MGST1: variants seen among roughly 807,000 people sequenced by gnomAD.
The protein encoded by MGST1 is glutathione S-transferase 12.
A neutral mutation model predicts 8.9 loss-of-function variants in MGST1; 5 were observed. That is an observed-to-expected ratio of 0.56 (90% CI 0.29 to 1.19). The LOEUF (loss-of-function observed/expected upper bound fraction) is 1.19, where lower values mean the gene tolerates loss of function less well. Ranked by LOEUF, MGST1 falls within the 50% of genes most tolerant of loss-of-function variation. The pLI, the probability that MGST1 is intolerant of heterozygous loss-of-function variation, is 0.08. For synonymous variants in MGST1, 54 were observed against 67.8 expected, an observed-to-expected ratio of 0.80 and a Z score of 1.00; for missense variants, 182 against 187.4, an observed-to-expected ratio of 0.97 and a Z score of 0.17.
chr12:16,561,279 C>T (rs886596994), intron 4 of MGST1, among the ~76,000 whole-genome samples: 5 of 152,068 alleles, frequency 3.3e-5, no homozygotes, highest in African/African-American at 9.7e-5. Flanking sequence ...CATTTCATAA[C>T]GTGAGGAAAT....
In MGST1 at chr12:16,517,920, T is replaced by C. The variant is rs547425532; in HGVS notation, n.483-71608T>C. ...CTTAAAGAGATGCATTTTCATTTGA[T>C]GTGATAAAACAATCAAATGTTGTTC... is the stretch of plus-strand genomic sequence containing the variant. On this transcript the variant is annotated intron_variant and non_coding_transcript_variant, in intron 4 of 4. Transcript: ENST00000538857. The surrounding 1 kb of genome is among the most constrained non-coding windows in gnomAD (Gnocchi z 4.2). Among the ~76,000 whole-genome samples the C allele has an allele frequency of 1.3e-5, 2 of 152,336 alleles. No individual in the cohort carries two copies. The highest frequency in any genetic ancestry group is 4.1e-4 in the South Asian group (2 of 4,824).
chr12:16,490,202 G>A (rs1941429758), intron 4 of MGST1, among the ~76,000 whole-genome samples: 1 of 152,178 alleles, frequency 6.6e-6, no homozygotes, highest in Non-Finnish European at 1.5e-5. Flanking sequence ...GGTTGAGGCT[G>A]CAGTGAACTA....
chr12:16,556,267 A>G (rs1165653890), intron 4 of MGST1, among the ~76,000 whole-genome samples: 1 of 152,204 alleles, frequency 6.6e-6, no homozygotes, highest in African/African-American at 2.4e-5. Flanking sequence ...CCTGTTATAT[A>G]GAATCTTCCA....
intron 4 of MGST1, among the ~76,000 whole-genome samples, chr12:16,448,057 G>A (rs939870031): frequency 5.3e-5 from 8 of 151,702 alleles, no homozygotes; most frequent in Admixed American, 3.3e-4. Context: ...ACAGGTTGTC[G>A]AGATATCCAA....
intron 4 of MGST1, among the ~76,000 whole-genome samples, chr12:16,565,674 G>A (rs570387514): frequency 6.6e-6 from 1 of 152,010 alleles, no homozygotes; most frequent in East Asian, 1.9e-4. Context: ...ATATTTTCAT[G>A]GATGATTTTG....
In MGST1 at chr12:16,410,476, G is replaced by T. The variant is rs537732224; in HGVS notation, n.778+26872G>T. On this transcript the variant is annotated intron_variant and non_coding_transcript_variant, in intron 1 of 1. Transcript: ENST00000359720. The surrounding 1 kb of genome is among the most constrained non-coding windows in gnomAD (Gnocchi z 4.4). Reference sequence around the variant, plus strand: ...ATATGATGCACTCAGTTCTATAGACGCTAGTCAGATTTGTAAAAGCATATA... The same window carrying T: ...ATATGATGCACTCAGTTCTATAGACTCTAGTCAGATTTGTAAAAGCATATA... 6.6e-6 allele frequency among the ~76,000 whole-genome samples: 1 copy of T among 151,552 alleles called. No homozygotes were observed. The highest frequency in any genetic ancestry group is 2.4e-5 in the African/African-American group (1 of 41,268).
chr12:16,398,529 G>A (rs1940625600), intron 1 of MGST1, among the ~76,000 whole-genome samples: 1 of 152,106 alleles, frequency 6.6e-6, no homozygotes, highest in African/African-American at 2.4e-5. Context: ...CAGTACATGA[G>A]GCACAACCAT....
chr12:16,519,916 A>G (rs188207947), intron 4 of MGST1, among the ~76,000 whole-genome samples: 82 of 152,294 alleles, frequency 5.4e-4, no homozygotes, highest in Non-Finnish European at 9.4e-4. Context: ...GTCTTAATGG[A>G]CAAACAGCAA....
At position 16,480,825 on chromosome 12, in the gene MGST1, C is replaced by T. The variant is rs539202978; in HGVS notation, n.482+97221C>T. Among the ~76,000 whole-genome samples, 12 of 152,258 alleles carry T rather than the reference C, an allele frequency of 7.9e-5. 1 individual carries two copies. In the South Asian group the frequency reaches 2.3e-3, roughly 29 times the overall value. ...GTAGCTCCCACCTGTAATCCCAGTG[C>T]TTTGGGAGGCCCAGGCAGGAGGACC... is the stretch of plus-strand genomic sequence containing the variant. On this transcript the variant is annotated intron_variant and non_coding_transcript_variant, in intron 4 of 4. Transcript: ENST00000538857.
rs1941477152 is a variant in MGST1, at chr12:16,497,274, T to C, written n.483-92254T>C. Among the ~76,000 whole-genome samples the C allele has an allele frequency of 6.6e-6, 1 of 152,108 alleles. No homozygotes were observed. The highest frequency in any genetic ancestry group is 6.6e-5 in the Admixed American group (1 of 15,238). On this transcript the variant is annotated intron_variant and non_coding_transcript_variant, in intron 4 of 4. Coordinates refer to the MGST1 transcript ENST00000538857. The surrounding 1 kb of genome is among the most constrained non-coding windows in gnomAD (Gnocchi z 4.4). ...AATAAGAAACAGAAATTGACAGGCA[T>C]TGAGAGAAACAGAAGACTCATGGAA...
At chr12:16,479,071 G>A (rs375633825) in intron 4 of MGST1, among the ~76,000 whole-genome samples, 3 of 151,788 alleles carry the variant, frequency 2.0e-5, no homozygotes, top group African/African-American at 7.3e-5. Flanking sequence ...GATGTGTCTG[G>A]TTTCTCTCAC....
chr12:16,409,188 A>G (rs779748798), intron 1 of MGST1, among the ~76,000 whole-genome samples: 39 of 152,066 alleles, frequency 2.6e-4, no homozygotes, highest in Non-Finnish European at 4.6e-4. Flanking sequence ...TCACAAAGAG[A>G]TATGTCAACT....
chr12:16,420,487 A>G (rs1940825804), intron 1 of MGST1, among the ~76,000 whole-genome samples: 1 of 152,182 alleles, frequency 6.6e-6, no homozygotes, highest in East Asian at 1.9e-4. Context: ...ACAAAATCTG[A>G]GTGGAGGTTT....
intron 4 of MGST1, among the ~76,000 whole-genome samples, chr12:16,456,072 A>G (rs900770995): frequency 3.3e-5 from 5 of 151,904 alleles, no homozygotes; most frequent in African/African-American, 1.2e-4. Context: ...ATATAGGTAC[A>G]TGTTTATTTA....
intron 1 of MGST1, chr12:16,349,254 G>C (rs1244404417): frequency 1.3e-5 from 2 of 152,190 alleles, no homozygotes; most frequent in Non-Finnish European, 2.9e-5. Context: ...ATGCAGAAAG[G>C]CTGGCCACCT....
chr12:16,554,802 G>A (rs986394130), intron 4 of MGST1, among the ~76,000 whole-genome samples: 12 of 152,144 alleles, frequency 7.9e-5, no homozygotes, highest in South Asian at 4.2e-4. Flanking sequence ...GACTACAGGC[G>A]CCCGCCACCT....
At chr12:16,381,236 G>C (rs1390505847), downstream of MGST1, among the ~76,000 whole-genome samples, 1 of 152,126 alleles carries the variant, frequency 6.6e-6, no homozygotes, top group Non-Finnish European at 1.5e-5. Flanking sequence ...TCCTAGCATT[G>C]ACAGTCTTTA....
intron 1 of MGST1, among the ~76,000 whole-genome samples, chr12:16,395,420 T>A (rs1756332976): frequency 6.6e-6 from 1 of 152,130 alleles, no homozygotes; most frequent in African/African-American, 2.4e-5. Flanking sequence ...AGTCTTCTTT[T>A]AAAAAAATTT....
At chr12:16,577,536 C>T (rs1269223168) in intron 4 of MGST1, among the ~76,000 whole-genome samples, 1 of 152,054 alleles carries the variant, frequency 6.6e-6, no homozygotes, top group Non-Finnish European at 1.5e-5. Context: ...TATTATCAGC[C>T]AGATTTTCTA....
Sources: gnomAD v4.1 joint callset for allele counts (sites outside exome capture counted in the v4.1 genomes callset) on GRCh38, gnomAD v4.1.1 for gene constraint, Gnocchi (gnomAD v3.1) non-coding constraint, MANE v1.5 for transcripts, NCBI Gene and HGNC (gene_info 2026-07-23, HGNC 2026-07-21) for gene names.